Variants in SEMA3A observed in about 807,000 individuals in gnomAD.
SEMA3A encodes the protein semaphorin-3A.
SEMA3A carries 29 observed loss-of-function variants against 97.9 expected under a neutral mutation model. The ratio of observed to expected loss-of-function variants is 0.30; its 90% CI spans 0.22 to 0.40. The LOEUF is 0.40. Ranked by LOEUF, SEMA3A falls within the 10% of genes least tolerant of loss-of-function variation. The pLI is 1.00. For missense variants in SEMA3A, 763 were observed against 951.3 expected (o/e 0.80, Z 2.60); for synonymous variants, 321 against 323.7 (o/e 0.99, Z 0.09).
At chr7:84,458,943 C>T (rs1437298773) in intron 1 of SEMA3A, among the ~76,000 whole-genome samples, 1 of 151,916 alleles carries the variant, frequency 6.6e-6, no homozygotes, top group Non-Finnish European at 1.5e-5. Flanking sequence ...TTAGCCAACT[C>T]CTCTTCATTC....
intron 1 of SEMA3A, among the ~76,000 whole-genome samples, chr7:84,435,473 T>A (rs558096873): frequency 6.6e-6 from 1 of 152,236 alleles, no homozygotes; most frequent in Non-Finnish European, 1.5e-5. Context: ...CTGGGCATAA[T>A]GGTGCGTGCC....
chr7:84,271,024 A>T (rs1800136271), intron 3 of SEMA3A, among the ~76,000 whole-genome samples: 1 of 152,092 alleles, frequency 6.6e-6, no homozygotes, highest in Admixed American at 6.6e-5. Context: ...ATCCGGAATC[A>T]ATTTGCTATT....
chr7:84,174,275 G>A (rs1797492338), intron 1 of SEMA3A, among the ~76,000 whole-genome samples: 1 of 152,188 alleles, frequency 6.6e-6, no homozygotes. Flanking sequence ...TGCCAAAAAG[G>A]TTGGGGACCA....
intron 4 of SEMA3A, among the ~76,000 whole-genome samples, chr7:84,071,673 T>C (rs1019138454): frequency 2.0e-5 from 3 of 152,120 alleles, no homozygotes; most frequent in Non-Finnish European, 4.4e-5. Context: ...GGAACTTGCA[T>C]AGCAATCTAT....
At chr7:84,364,946 G>A (rs923993278) in intron 2 of SEMA3A, among the ~76,000 whole-genome samples, 2 of 151,478 alleles carry the variant, frequency 1.3e-5, no homozygotes, top group Non-Finnish European at 3.0e-5. Flanking sequence ...CCAAATAAAG[G>A]TACAATTCTT....
chr7:84,087,385 GT>G (rs1562770989), intron 4 of SEMA3A, among the ~76,000 whole-genome samples: 1 of 152,150 alleles, frequency 6.6e-6, no homozygotes, highest in Non-Finnish European at 1.5e-5. Context: ...TAGACATGGA[GT>G]CATTCATTTC....
intron 9 of SEMA3A, among the ~76,000 whole-genome samples, chr7:84,010,454 T>G (rs1790833270): frequency 6.6e-6 from 1 of 152,276 alleles, no homozygotes; most frequent in East Asian, 1.9e-4. Context: ...ATAGAGATAC[T>G]GGGAAGAACC....
chr7:84,043,704 A>G (rs904009097), intron 6 of SEMA3A, among the ~76,000 whole-genome samples: 4 of 152,062 alleles, frequency 2.6e-5, no homozygotes, highest in African/African-American at 9.7e-5. Context: ...TCCCAAACAT[A>G]TCTGTATCTT....
intron 3 of SEMA3A, among the ~76,000 whole-genome samples, chr7:84,300,185 A>G (rs1252051276): frequency 6.6e-6 from 1 of 151,572 alleles, no homozygotes; most frequent in East Asian, 1.9e-4. Context: ...AAATTAGTGG[A>G]TCAATTAAAG....
intron 4 of SEMA3A, among the ~76,000 whole-genome samples, chr7:84,076,610 C>G (rs1053591862): frequency 2.0e-5 from 3 of 152,070 alleles, no homozygotes; most frequent in African/African-American, 7.2e-5. Flanking sequence ...ACTGAATTTA[C>G]CATGACAGAT....
chr7:84,462,788 T>C (rs939859142), intron 1 of SEMA3A, among the ~76,000 whole-genome samples: 1 of 152,066 alleles, frequency 6.6e-6, no homozygotes, highest in African/African-American at 2.4e-5. Flanking sequence ...CGAGAAAGAA[T>C]ATATACATAG....
chr7:84,300,786 A>C (rs957214413), intron 3 of SEMA3A, among the ~76,000 whole-genome samples: 7 of 152,212 alleles, frequency 4.6e-5, no homozygotes, highest in African/African-American at 1.7e-4. Flanking sequence ...AGAACCAAAA[A>C]TATTAATGAA....
intron 1 of SEMA3A, among the ~76,000 whole-genome samples, chr7:84,449,888 TC>T (rs981392525): frequency 1.3e-5 from 2 of 152,164 alleles, no homozygotes; most frequent in Admixed American, 1.3e-4. Flanking sequence ...TCAAAGTCCA[TC>T]CACGTTGTTG....
intron 3 of SEMA3A, among the ~76,000 whole-genome samples, chr7:84,304,773 T>C (rs1801111722): frequency 1.3e-5 from 2 of 152,012 alleles, no homozygotes; most frequent in South Asian, 4.1e-4. Context: ...AATGACCATA[T>C]AAAAATAAAT....
intron 6 of SEMA3A, among the ~76,000 whole-genome samples, chr7:84,037,591 T>C (rs1483028127): frequency 1.3e-5 from 2 of 152,196 alleles, no homozygotes; most frequent in Admixed American, 6.5e-5. Flanking sequence ...GAGTGTCTTA[T>C]GCTATTAGCC....
At position 83,977,410 on chromosome 7, in the gene SEMA3A, A is replaced by G. The variant is rs74699044; in HGVS notation, c.1653-214T>C. Among the ~76,000 whole-genome samples the G allele has an allele frequency of 1.2e-4, 19 of 152,258 alleles. No individual in the cohort carries two copies. The East Asian group carries it at 3.7e-3, about 29-fold the overall frequency. ...GTCTCCAAGATGATCAAAATGGGAA[A>G]CAAGATCCAAATGTACTAACAACAT... is the stretch of plus-strand genomic sequence containing the variant. On this transcript the variant is annotated intron_variant, in intron 14 of 16. Transcript: ENST00000265362.
At chr7:84,413,074 T>A (rs1434262677) in intron 1 of SEMA3A, among the ~76,000 whole-genome samples, 5 of 152,170 alleles carry the variant, frequency 3.3e-5, no homozygotes, top group Non-Finnish European at 7.3e-5. Context: ...TTTAGTAGTT[T>A]TAATTTTTCT....
chr7:83,986,535 T>A (rs1213540943), intron 12 of SEMA3A, among the ~76,000 whole-genome samples: 1 of 152,200 alleles, frequency 6.6e-6, no homozygotes, highest in Non-Finnish European at 1.5e-5. Flanking sequence ...AGGTTCATGG[T>A]CAATGAACTG....
At chr7:84,214,065 A>G (rs773423508) in intron 3 of SEMA3A, among the ~76,000 whole-genome samples, 10 of 152,206 alleles carry the variant, frequency 6.6e-5, no homozygotes, top group Non-Finnish European at 1.5e-4. Flanking sequence ...AAACATTGCA[A>G]TTGATTTCAT....
Sources: allele counts gnomAD v4.1 joint callset (sites outside exome capture counted in the v4.1 genomes callset), GRCh38; gene constraint gnomAD v4.1.1; transcripts MANE v1.5; gene names NCBI Gene and HGNC (gene_info 2026-07-23, HGNC 2026-07-21).